The following FAAH2 variants were observed in gnomAD, a reference collection of about 807,000 sequenced individuals.
FAAH2 encodes the protein fatty acid amide hydrolase 2.
FAAH2 carries 60 observed loss-of-function variants against 36.9 expected under a neutral mutation model. That is an observed-to-expected ratio of 1.63 (90% CI 1.32 to 2.02). The LOEUF is 2.02. FAAH2 is among the 30% of genes most tolerant of loss of function. The pLI, the probability that FAAH2 is intolerant of heterozygous loss-of-function variation, is 0.00. For missense variants in FAAH2, 689 were observed against 397.5 expected, an observed-to-expected ratio of 1.73 and a Z score of -6.23; for synonymous variants, 214 against 143.8, an observed-to-expected ratio of 1.49 and a Z score of -3.49.
chrX:57,439,829 C>T (rs571725291), intron 8 of FAAH2, among the ~76,000 whole-genome samples: 1 of 111,635 alleles, frequency 9.0e-6, no homozygotes, highest in African/African-American at 3.2e-5. Flanking sequence ...TGGCTAGCCA[C>T]TTTTCCCAGC....
At chrX:57,328,329 G>A (rs1012021971) in intron 3 of FAAH2, among the ~76,000 whole-genome samples, 1 of 111,779 alleles carries the variant, frequency 8.9e-6, no homozygotes, top group Non-Finnish European at 1.9e-5. Flanking sequence ...CAGATCTCAA[G>A]CTGCGTGCTG....
At chrX:57,220,161 G>T in the FAAH2 span, among the ~76,000 whole-genome samples, 1 of 108,201 alleles carries the variant, frequency 9.2e-6, no homozygotes, top group South Asian at 4.1e-4. Context: ...ATTAAATCCA[G>T]CAGACTGCTG....
In FAAH2 at chrX:57,393,221, G is replaced by T. The variant is rs999696774; in HGVS notation, c.996+12192G>T. ...AATTCCAAACATTCTGGCATTTTCA[G>T]TTTGTTTCTTCAAGTTACTGAAGCC... is the stretch of plus-strand genomic sequence containing the variant. On this transcript the variant is annotated intron_variant, in intron 7 of 10. Coordinates refer to ENST00000374900, the MANE Select transcript of FAAH2 (RefSeq NM_174912.4). The T allele has an allele frequency of 5.0e-6, 6 of 1,199,556 alleles. No individual in the cohort carries two copies. In the Admixed American group the frequency reaches 1.3e-4, roughly 26 times the overall value.
the FAAH2 span, among the ~76,000 whole-genome samples, chrX:57,219,502 A>C: frequency 1.8e-5 from 2 of 112,038 alleles, no homozygotes; most frequent in Non-Finnish European, 3.8e-5. Flanking sequence ...CCAGAAGCCC[A>C]GTTAACAGAG....
the FAAH2 span, among the ~76,000 whole-genome samples, chrX:57,185,983 T>A: frequency 8.9e-6 from 1 of 111,762 alleles, no homozygotes; most frequent in Non-Finnish European, 1.9e-5. Flanking sequence ...GCATTTGGGT[T>A]GGTTCCAGGT....
chrX:57,456,610 A>G (rs1394978953), intron 10 of FAAH2, among the ~76,000 whole-genome samples: 1 of 112,229 alleles, frequency 8.9e-6, no homozygotes, highest in East Asian at 2.8e-4. Flanking sequence ...CAAAGATGAT[A>G]TTACAACTGA....
the FAAH2 span, among the ~76,000 whole-genome samples, chrX:57,151,264 T>C: frequency 2.7e-5 from 3 of 111,487 alleles, no homozygotes; most frequent in African/African-American, 9.8e-5. Flanking sequence ...TCAAGGAGTA[T>C]CTTTGTGGCA....
At chrX:57,388,736 A>T (rs975945226) in intron 7 of FAAH2, among the ~76,000 whole-genome samples, 3 of 111,376 alleles carry the variant, frequency 2.7e-5, no homozygotes, top group Non-Finnish European at 3.8e-5. Context: ...TACCACTCAA[A>T]AAACTTCTGT....
the FAAH2 span, among the ~76,000 whole-genome samples, chrX:57,229,723 C>T: frequency 9.0e-6 from 1 of 111,419 alleles, no homozygotes; most frequent in Non-Finnish European, 1.9e-5. Context: ...ATTATCATGA[C>T]ACCAAACCCC....
the FAAH2 span, among the ~76,000 whole-genome samples, chrX:57,153,181 C>A: frequency 1.8e-5 from 2 of 112,052 alleles, no homozygotes; most frequent in African/African-American, 6.5e-5. Flanking sequence ...ACAAGAATAG[C>A]TACACCTGCT....
rs758183212 is a variant in FAAH2, at chrX:57,482,464, C to T, written c.1424-6293C>T. ...AGTAACCTAGCTGGGTAGCGCAGTC[C>T]TTCATAGCTTCCTTTGGCTGGGAGA... On this transcript the variant is annotated intron_variant, in intron 10 of 10. Coordinates refer to ENST00000374900, the MANE Select transcript of FAAH2 (RefSeq NM_174912.4). Among the ~76,000 whole-genome samples the T allele has an allele frequency of 9.8e-4, 109 of 111,171 alleles. 1 individual carries two copies. The highest frequency in any genetic ancestry group is 1.9e-3 in the Non-Finnish European group (100 of 53,017).
chrX:57,219,908 A>T, the FAAH2 span, among the ~76,000 whole-genome samples: 1 of 95,978 alleles, frequency 1.0e-5, no homozygotes, highest in Non-Finnish European at 2.0e-5. Context: ...TCTGGCCACA[A>T]TATGAATTAA....
chrX:57,465,140 T>C (rs926670723), intron 10 of FAAH2, among the ~76,000 whole-genome samples: 4 of 111,456 alleles, frequency 3.6e-5, no homozygotes, highest in East Asian at 2.8e-4. Context: ...ATGTTTTAAA[T>C]GGAAGAATAA....
intron 3 of FAAH2, 120 bp from the exon 4 acceptor site, chrX:57,331,478 C>A: frequency 1.8e-6 from 1 of 555,363 alleles, no homozygotes; most frequent in East Asian, 3.6e-5. Context: ...TTTCCAATGC[C>A]CCAACCCTTT....
At chrX:57,215,931 A>G in the FAAH2 span, among the ~76,000 whole-genome samples, 3 of 85,200 alleles carry the variant, frequency 3.5e-5, no homozygotes, top group African/African-American at 5.2e-5. Flanking sequence ...ATATATATAT[A>G]TATACCTGCA....
At position 57,286,855 on chromosome X, in the gene FAAH2, G is replaced by A. The variant is rs756372781; in HGVS notation, c.30G>A (p.Gln10=). MAPSFTARI[Q]LFLLRALGFL... is the part of the protein sequence containing the mutation. The stretch of plus-strand genomic sequence containing the variant: ...CACCTTCATTTACCGCCCGCATTCA[G>A]TTGTTCCTCTTGCGGGCGCTAGGCT... The change falls in exon 1 of 11, where the codon CAG becomes CAA. Residue 10 remains glutamine, a synonymous_variant. Transcript: ENST00000374900. The A allele has an allele frequency of 1.2e-5, 14 of 1,191,895 alleles. No homozygotes were observed. In the Admixed American group the frequency reaches 2.9e-4, roughly 25 times the overall value.
At chrX:57,374,598 G>T in intron 5 of FAAH2, among the ~76,000 whole-genome samples, 1 of 111,609 alleles carries the variant, frequency 9.0e-6, no homozygotes, top group Non-Finnish European at 1.9e-5. Context: ...TCAGTTCTAG[G>T]AGCTTTTTGC....
At chrX:57,179,404 C>T in the FAAH2 span, among the ~76,000 whole-genome samples, 1 of 111,425 alleles carries the variant, frequency 9.0e-6, no homozygotes, top group South Asian at 3.8e-4. Context: ...CACCCATTGG[C>T]TCAAAATAAA....
At chrX:57,407,231 A>T (rs2055588536) in intron 7 of FAAH2, among the ~76,000 whole-genome samples, 1 of 111,837 alleles carries the variant, frequency 8.9e-6, no homozygotes, top group African/African-American at 3.3e-5. Flanking sequence ...GCAGTGAAAT[A>T]AGAGCTGAGA....
Sources: allele counts gnomAD v4.1 joint callset (sites outside exome capture counted in the v4.1 genomes callset), GRCh38; gene constraint gnomAD v4.1.1; transcripts MANE v1.5; gene names NCBI Gene and HGNC (gene_info 2026-07-23, HGNC 2026-07-21).